RBFOX1: variants seen among roughly 807,000 people sequenced by gnomAD.
The protein encoded by RBFOX1 is RNA binding fox-1 homolog 1, also known as RNA binding protein fox-1 homolog 1.
In RBFOX1, 8 loss-of-function variants were observed where a neutral mutation model predicts 57.7. The observed-to-expected ratio is 0.14, with a 90% CI of 0.08 to 0.25. RBFOX1 has a LOEUF of 0.25. Ranked by LOEUF, RBFOX1 falls within the 10% of genes least tolerant of loss-of-function variation. The probability of loss-of-function intolerance (pLI) is 1.00; values close to 1 mark genes in which losing one functional copy is unlikely to be tolerated. For synonymous variants in RBFOX1, 326 were observed against 222.4 expected, an observed-to-expected ratio of 1.47 and a Z score of -4.15; for missense variants, 611 against 548.5, an observed-to-expected ratio of 1.11 and a Z score of -1.14.
At chr16:5,505,106 T>C (rs1350973556) in intron 2 of RBFOX1, among the ~76,000 whole-genome samples, 1 of 152,170 alleles carries the variant, frequency 6.6e-6, no homozygotes, top group East Asian at 1.9e-4. Context: ...AGTGGGGGAA[T>C]TGTGCAGTGT....
chr16:7,286,381 C>G (rs2095650922), intron 4 of RBFOX1, among the ~76,000 whole-genome samples: 1 of 151,798 alleles, frequency 6.6e-6, no homozygotes. Flanking sequence ...TAAATAAAAG[C>G]CTATCTTGTG....
At chr16:6,800,227 C>G (rs149920358) in intron 3 of RBFOX1, among the ~76,000 whole-genome samples, 1 of 145,880 alleles carries the variant, frequency 6.9e-6, no homozygotes, top group African/African-American at 2.8e-5. Context: ...ATAACCATGT[C>G]TGTTTGCCCA....
intron 2 of RBFOX1, among the ~76,000 whole-genome samples, chr16:5,590,785 G>T (rs1008361511): frequency 5.9e-5 from 9 of 152,180 alleles, no homozygotes; most frequent in Non-Finnish European, 1.5e-5. Context: ...TGGAGCATTG[G>T]GTTGAAATCT....
Position 7,706,180 on chromosome 16 carries a change from G to A in RBFOX1, c.996-2876G>A, listed in dbSNP as rs188505489. On this transcript the variant is annotated intron_variant, in intron 14 of 15. Transcript: ENST00000550418. ...GACTAAATTGTAGTGTCACACAAGGGCGTGTTCAGAAATTAGCATTTGAAA... is the reference window on the plus strand; with the variant it reads ...GACTAAATTGTAGTGTCACACAAGGACGTGTTCAGAAATTAGCATTTGAAA... Among the ~76,000 whole-genome samples the A allele has an allele frequency of 2.6e-5, 4 of 152,262 alleles. No homozygotes were observed. In the East Asian group the frequency reaches 7.7e-4, roughly 29 times the overall value.
At chr16:7,040,000 A>AC (rs1344329937) in intron 3 of RBFOX1, among the ~76,000 whole-genome samples, 2 of 105,506 alleles carry the variant, frequency 1.9e-5, no homozygotes, top group Non-Finnish European at 4.2e-5. Flanking sequence ...ATGGGGAGTT[A>AC]TTTTATTATT....
intron 5 of RBFOX1, among the ~76,000 whole-genome samples, chr16:7,530,937 T>G (rs1409659525): frequency 6.6e-6 from 1 of 152,056 alleles, no homozygotes; most frequent in Admixed American, 6.6e-5. Context: ...AGCAGCAGAA[T>G]GTACCTGGGC....
chr16:6,140,642 A>C (rs1314870479), intron 1 of RBFOX1, among the ~76,000 whole-genome samples: 3 of 151,312 alleles, frequency 2.0e-5, no homozygotes, highest in African/African-American at 4.9e-5. Context: ...CTTGATCCCA[A>C]CTCCTTCCCT....
rs373910477 is a variant in RBFOX1, at chr16:7,051,551, C to G, written c.-15-506C>G. Among the ~76,000 whole-genome samples the G allele has an allele frequency of 7.9e-5, 12 of 152,368 alleles. No homozygotes were observed. In the East Asian group the frequency reaches 1.5e-3, roughly 20 times the overall value. ...TCTCCCCAGCACAATCCTATGGGGA[C>G]TTACTACCATCTGATTAGAACTGGA... is the stretch of plus-strand genomic sequence containing the variant. On this transcript the variant is annotated intron_variant, in intron 3 of 15. Coordinates refer to ENST00000550418, the MANE Select transcript of RBFOX1 (RefSeq NM_018723.4).
At chr16:6,377,308 G>A (rs550708625) in intron 2 of RBFOX1, among the ~76,000 whole-genome samples, 2 of 151,308 alleles carry the variant, frequency 1.3e-5, no homozygotes, top group Non-Finnish European at 2.9e-5. Flanking sequence ...AAAAAAAAAG[G>A]TATCAGTCCC....
At chr16:6,494,392 C>A (rs909848714) in intron 2 of RBFOX1, among the ~76,000 whole-genome samples, 1 of 152,148 alleles carries the variant, frequency 6.6e-6, no homozygotes, top group Non-Finnish European at 1.5e-5. Context: ...CTGTTCTTAA[C>A]CCCTGTCGAT....
At chr16:5,829,520 A>C (rs886388910) in intron 3 of RBFOX1, among the ~76,000 whole-genome samples, 7 of 152,044 alleles carry the variant, frequency 4.6e-5, no homozygotes, top group African/African-American at 1.4e-4. Context: ...GGCAGAACCC[A>C]AGGTGTGTGC....
chr16:6,866,876 A>G (rs905820729), intron 3 of RBFOX1, among the ~76,000 whole-genome samples: 3 of 152,034 alleles, frequency 2.0e-5, no homozygotes, highest in Admixed American at 6.5e-5. Flanking sequence ...TAACTTTTGC[A>G]TGTGTATTAC....
At chr16:6,119,413 C>T (rs998412622) in intron 1 of RBFOX1, among the ~76,000 whole-genome samples, 5 of 152,034 alleles carry the variant, frequency 3.3e-5, no homozygotes, top group Admixed American at 2.0e-4. Flanking sequence ...TGATATTAGC[C>T]TTGATCACTT....
At chr16:7,432,683 A>G (rs1258966854) in intron 4 of RBFOX1, among the ~76,000 whole-genome samples, 1 of 152,216 alleles carries the variant, frequency 6.6e-6, no homozygotes, top group African/African-American at 2.4e-5. Flanking sequence ...TTATTTACCA[A>G]AACAGATGGT....
chr16:7,346,944 G>C (rs1281877127), intron 4 of RBFOX1, among the ~76,000 whole-genome samples: 2 of 152,156 alleles, frequency 1.3e-5, no homozygotes, highest in African/African-American at 2.4e-5. Context: ...ACTGTGTTTT[G>C]AGGTGTAGTG....
chr16:6,784,385 A>G (rs1211805388), intron 3 of RBFOX1, among the ~76,000 whole-genome samples: 1 of 151,778 alleles, frequency 6.6e-6, no homozygotes, highest in African/African-American at 2.4e-5. Context: ...TGCTTCACCA[A>G]TTTTGCTGTT....
At chr16:5,507,022 T>G (rs1343813306) in intron 2 of RBFOX1, among the ~76,000 whole-genome samples, 2 of 152,182 alleles carry the variant, frequency 1.3e-5, no homozygotes, top group African/African-American at 2.4e-5. Flanking sequence ...TTCTTCATAA[T>G]GGACCCCTGG....
intron 1 of RBFOX1, among the ~76,000 whole-genome samples, chr16:6,095,665 G>C (rs1350059162): frequency 6.6e-6 from 1 of 150,886 alleles, no homozygotes; most frequent in Non-Finnish European, 1.5e-5. Context: ...TTTTACCTCT[G>C]ATTAGTTCTT....
At chr16:7,366,135 A>T (rs74010668) in intron 4 of RBFOX1, among the ~76,000 whole-genome samples, 31,839 of 152,070 alleles carry the variant, frequency 0.21, 3,601 homozygotes, top group African/African-American at 0.29. Flanking sequence ...ATGGCAGCTG[A>T]CCCTCTAAAC....
Sources: gnomAD v4.1 joint callset for allele counts (sites outside exome capture counted in the v4.1 genomes callset) on GRCh38, gnomAD v4.1.1 for gene constraint, MANE v1.5 for transcripts, NCBI Gene and HGNC (gene_info 2026-07-23, HGNC 2026-07-21) for gene names.